The following ESRRG variants were observed in gnomAD, a reference collection of about 807,000 sequenced individuals.
ESRRG encodes the protein estrogen related receptor gamma.
Under a neutral mutation model 44.0 loss-of-function variants are expected in ESRRG, and 13 were observed. The ratio of observed to expected loss-of-function variants is 0.30; its 90% CI spans 0.19 to 0.47. The LOEUF (loss-of-function observed/expected upper bound fraction) is 0.47. Among genes scored for constraint, ESRRG ranks in the 20% least tolerant of loss-of-function variants. The pLI is 1.00. For missense variants in ESRRG, 395 were observed against 580.6 expected, an observed-to-expected ratio of 0.68 and a Z score of 3.29; for synonymous variants, 215 against 214.6, an observed-to-expected ratio of 1.00 and a Z score of -0.02.
intron 1 of ESRRG, among the ~76,000 whole-genome samples, chr1:216,968,690 CT>C (rs2070969163): frequency 7.4e-6 from 1 of 135,290 alleles, no homozygotes; most frequent in South Asian, 2.4e-4. Flanking sequence ...CTTGTGTTGA[CT>C]AGTATGGGTC....
At chr1:216,607,121 G>A (rs568827083) in intron 3 of ESRRG, among the ~76,000 whole-genome samples, 1 of 152,170 alleles carries the variant, frequency 6.6e-6, no homozygotes, top group Non-Finnish European at 1.5e-5. Flanking sequence ...ATAAAATCAT[G>A]TTACCTAGAA....
intron 2 of ESRRG, among the ~76,000 whole-genome samples, chr1:216,903,989 G>GA (rs1286075383): frequency 6.6e-6 from 1 of 152,132 alleles, no homozygotes; most frequent in African/African-American, 2.4e-5. Flanking sequence ...TCCACTCAGG[G>GA]AAAATCCCTG....
At chr1:216,753,208 G>C (rs2092202206) in intron 2 of ESRRG, among the ~76,000 whole-genome samples, 1 of 99,310 alleles carries the variant, frequency 1.0e-5, no homozygotes, top group Non-Finnish European at 2.2e-5. Flanking sequence ...AGTAGTACCT[G>C]TCATTAGAAC....
intron 5 of ESRRG, among the ~76,000 whole-genome samples, chr1:216,524,346 A>C (rs2149002929): frequency 6.7e-6 from 1 of 148,704 alleles, no homozygotes; most frequent in South Asian, 2.1e-4. Context: ...GCTAGAGTTA[A>C]GCAGCTACAG....
intron 1 of ESRRG, among the ~76,000 whole-genome samples, chr1:217,106,499 T>A (rs1387138793): frequency 6.6e-6 from 1 of 152,162 alleles, no homozygotes; most frequent in Non-Finnish European, 1.5e-5. Context: ...TGAATTGAGA[T>A]GACAGGGTTG....
intron 1 of ESRRG, chr1:216,714,737 A>G (rs563614075): frequency 1.8e-5 from 3 of 165,888 alleles, no homozygotes; most frequent in African/African-American, 7.2e-5. Context: ...CAATATAAAG[A>G]CATGAAAAAA....
chr1:216,744,960 T>C (rs2091216344), intron 2 of ESRRG, among the ~76,000 whole-genome samples: 1 of 152,144 alleles, frequency 6.6e-6, no homozygotes, highest in Admixed American at 6.6e-5. Context: ...TGCAAACTAT[T>C]TCGATAGAGT....
intron 1 of ESRRG, among the ~76,000 whole-genome samples, chr1:217,100,431 C>T (rs1430624091): frequency 6.6e-6 from 1 of 152,194 alleles, no homozygotes; most frequent in African/African-American, 2.4e-5. Context: ...CTTTTCCAAT[C>T]CTACTTATCC....
chr1:217,034,317 C>G (rs1265360137), intron 1 of ESRRG, among the ~76,000 whole-genome samples: 1 of 152,138 alleles, frequency 6.6e-6, no homozygotes, highest in Non-Finnish European at 1.5e-5. Flanking sequence ...AAATATCTTT[C>G]GTACCCATAT....
chr1:216,724,927 C>CT (rs1170670013), upstream of ESRRG, among the ~76,000 whole-genome samples: 1 of 152,102 alleles, frequency 6.6e-6, no homozygotes, highest in Non-Finnish European at 1.5e-5. Context: ...GCTTATCAAC[C>CT]TTTTACATCT....
At chr1:216,970,185 C>T (rs1318440321) in intron 1 of ESRRG, among the ~76,000 whole-genome samples, 3 of 152,056 alleles carry the variant, frequency 2.0e-5, no homozygotes, top group African/African-American at 7.2e-5. Flanking sequence ...ATTACTGAAG[C>T]CACCAGAGTT....
intron 2 of ESRRG, among the ~76,000 whole-genome samples, chr1:216,799,211 A>G (rs768723008): frequency 3.3e-5 from 5 of 152,158 alleles, no homozygotes; most frequent in Non-Finnish European, 5.9e-5. Flanking sequence ...AAAGGGGAAG[A>G]ATATTCTCTT....
chr1:217,074,455 A>C (rs1366385758), intron 1 of ESRRG, among the ~76,000 whole-genome samples: 7 of 150,860 alleles, frequency 4.6e-5, no homozygotes, highest in African/African-American at 1.5e-4. Context: ...CCCCCCCCAA[A>C]AAAAAAAAAA....
intron 2 of ESRRG, among the ~76,000 whole-genome samples, chr1:216,780,745 G>A (rs997385625): frequency 4.6e-5 from 7 of 151,956 alleles, no homozygotes; most frequent in African/African-American, 4.8e-5. Context: ...AGGGATTTTC[G>A]AGGACCTACA....
chr1:216,575,660 G>A (rs191403180), intron 3 of ESRRG, among the ~76,000 whole-genome samples: 87 of 152,220 alleles, frequency 5.7e-4, no homozygotes, highest in Admixed American at 2.4e-3. Flanking sequence ...AGAAACAGGA[G>A]TGGAAGTGGG....
At chr1:216,676,985 TACTTG>T in intron 2 of ESRRG, 86 bp downstream of exon 2, 1 of 877,296 alleles carries the variant, frequency 1.1e-6, no homozygotes, top group Non-Finnish European at 1.8e-6. Flanking sequence ...AAAACTATGA[TACTTG>T]ACTTATGAGA....
At chr1:216,652,519 C>G (rs1030808588) in intron 2 of ESRRG, among the ~76,000 whole-genome samples, 5 of 152,012 alleles carry the variant, frequency 3.3e-5, no homozygotes, top group Non-Finnish European at 7.4e-5. Flanking sequence ...TTTGAGATAG[C>G]CTATCAGAAT....
intron 2 of ESRRG, among the ~76,000 whole-genome samples, chr1:216,888,814 T>C (rs1436678309): frequency 6.6e-6 from 1 of 151,684 alleles, no homozygotes; most frequent in Non-Finnish European, 1.5e-5. Context: ...AGGGCTAGAG[T>C]TCACTGTGTT....
At chr1:217,034,001 C>A (rs1177383370) in intron 1 of ESRRG, among the ~76,000 whole-genome samples, 1 of 152,178 alleles carries the variant, frequency 6.6e-6, no homozygotes, top group East Asian at 1.9e-4. Flanking sequence ...CTTATCTGAA[C>A]ATCTAGAACT....
Sources: allele counts gnomAD v4.1 joint callset (sites outside exome capture counted in the v4.1 genomes callset), GRCh38; gene constraint gnomAD v4.1.1; transcripts MANE v1.5; gene names NCBI Gene and HGNC (gene_info 2026-07-23, HGNC 2026-07-21).